The following PDE1C variants were observed in gnomAD, a reference collection of about 807,000 sequenced individuals.
The protein encoded by PDE1C is phosphodiesterase 1C.
In PDE1C, 62 loss-of-function variants were observed where a neutral mutation model predicts 93.1. That is an observed-to-expected ratio of 0.67 (90% CI 0.54 to 0.82). The LOEUF (loss-of-function observed/expected upper bound fraction) is 0.82. Ranked by LOEUF, PDE1C falls within the 40% of genes least tolerant of loss-of-function variation. PDE1C has a pLI of 0.00. For missense variants in PDE1C, 742 were observed against 884.6 expected (o/e 0.84, Z 2.04); for synonymous variants, 325 against 310.1 (o/e 1.05, Z -0.50).
chr7:31,813,666 T>C (rs751547962), intron 15 of PDE1C, among the ~76,000 whole-genome samples: 6 of 152,146 alleles, frequency 3.9e-5, no homozygotes, highest in Non-Finnish European at 5.9e-5. Context: ...TTTTTAATTT[T>C]TATTTCCATA....
intron 2 of PDE1C, among the ~76,000 whole-genome samples, chr7:32,049,910 T>C (rs903084576): frequency 1.3e-5 from 2 of 152,206 alleles, no homozygotes; most frequent in Non-Finnish European, 2.9e-5. Context: ...TTAGGCAATA[T>C]TGACATTGTG....
At chr7:31,645,200 A>C in the PDE1C span, among the ~76,000 whole-genome samples, 1 of 152,234 alleles carries the variant, frequency 6.6e-6, no homozygotes, top group Non-Finnish European at 1.5e-5. Flanking sequence ...CGACTTTAAA[A>C]TATCTAAATC....
intron 3 of PDE1C, among the ~76,000 whole-genome samples, chr7:32,099,547 A>T (rs1329076539): frequency 6.6e-6 from 1 of 152,198 alleles, no homozygotes; most frequent in African/African-American, 2.4e-5. Flanking sequence ...GTCCTTGTAC[A>T]TTATACAGTT....
intron 3 of PDE1C, among the ~76,000 whole-genome samples, chr7:32,115,251 A>G (rs1798922541): frequency 6.6e-6 from 1 of 152,200 alleles, no homozygotes; most frequent in Non-Finnish European, 1.5e-5. Flanking sequence ...GATAAAGAAA[A>G]TGTGGTACAT....
At chr7:31,675,854 A>G in the PDE1C span, among the ~76,000 whole-genome samples, 3 of 152,146 alleles carry the variant, frequency 2.0e-5, no homozygotes, top group Non-Finnish European at 2.9e-5. Flanking sequence ...GAAATAGGCA[A>G]AAGGTTACCA....
intron 1 of PDE1C, among the ~76,000 whole-genome samples, chr7:32,257,684 G>T (rs1280135971): frequency 6.6e-6 from 1 of 152,132 alleles, no homozygotes; most frequent in African/African-American, 2.4e-5. Flanking sequence ...AGAAGTGGTG[G>T]CTATCTCTTA....
intron 1 of PDE1C, among the ~76,000 whole-genome samples, chr7:32,052,899 T>C (rs578239550): frequency 7.2e-4 from 109 of 152,336 alleles, no homozygotes; most frequent in African/African-American, 2.2e-3. Flanking sequence ...CTTTTTAGTT[T>C]TATGAATTTT....
intron 3 of PDE1C, among the ~76,000 whole-genome samples, chr7:32,122,980 A>G (rs1047982065): frequency 3.9e-5 from 6 of 152,178 alleles, no homozygotes; most frequent in African/African-American, 1.4e-4. Context: ...ACTAATAAAG[A>G]AGAAAAGAGA....
chr7:32,078,023 C>A, intron 3 of PDE1C: 1 of 985,348 alleles, frequency 1.0e-6, no homozygotes, highest in Non-Finnish European at 1.2e-6. Context: ...AATACACTGC[C>A]AACCCAGTAT....
intron 1 of PDE1C, among the ~76,000 whole-genome samples, chr7:32,322,173 G>C (rs1203571500): frequency 2.0e-5 from 3 of 152,058 alleles, no homozygotes; most frequent in Non-Finnish European, 4.4e-5. Context: ...ACTTGCTCAG[G>C]GTTACTCAGA....
chr7:31,692,480 A>G, the PDE1C span: 2 of 1,612,190 alleles, frequency 1.2e-6, no homozygotes, highest in East Asian at 4.5e-5. Context: ...TGGAACTCTC[A>G]GAAGACAGAC....
intron 2 of PDE1C, among the ~76,000 whole-genome samples, chr7:31,962,792 G>T (rs369215196): frequency 1.3e-5 from 2 of 151,684 alleles, no homozygotes; most frequent in African/African-American, 2.4e-5. Context: ...GACATCTAAG[G>T]CCCCTCCATC....
rs144744916 is a variant in PDE1C, at chr7:31,947,523, G to C, written c.129-66663C>G. On this transcript the variant is annotated intron_variant, in intron 2 of 17. Transcript: ENST00000396191. The stretch of plus-strand genomic sequence containing the variant: ...GGCTGGGTCCTTTTTATTTCCAAAG[G>C]CTGGCTATGCCCTTCCAAAGTCAGC... 1.8e-3 allele frequency among the ~76,000 whole-genome samples: 269 copies of C among 152,240 alleles called. 1 individual carries two copies. Among genetic ancestry groups the C allele is most frequent in the African/African-American group, 6.0e-3 (251 of 41,542 alleles).
intron 2 of PDE1C, among the ~76,000 whole-genome samples, chr7:31,959,764 C>T (rs1357120603): frequency 6.6e-6 from 1 of 152,038 alleles, no homozygotes; most frequent in Non-Finnish European, 1.5e-5. Flanking sequence ...GGTGCCAAAT[C>T]AAATAAAATA....
chr7:31,792,991 T>C (rs1161334939), intron 16 of PDE1C, among the ~76,000 whole-genome samples: 1 of 152,074 alleles, frequency 6.6e-6, no homozygotes, highest in African/African-American at 2.4e-5. Flanking sequence ...GGTAAAGCTG[T>C]GAGAACTTTA....
the PDE1C span, among the ~76,000 whole-genome samples, chr7:31,631,352 A>G: frequency 0.014 from 2,071 of 152,336 alleles, 54 homozygotes; most frequent in African/African-American, 0.047. Context: ...TATGAAAAAC[A>G]AGATATAAAA....
At chr7:32,363,636 C>A (rs187442944) in intron 1 of PDE1C, among the ~76,000 whole-genome samples, 121 of 152,304 alleles carry the variant, frequency 7.9e-4, no homozygotes, top group African/African-American at 2.7e-3. Context: ...CAGAATGATG[C>A]ATAAATGGCA....
At chr7:31,954,396 G>A (rs1048406406) in intron 2 of PDE1C, among the ~76,000 whole-genome samples, 11 of 152,220 alleles carry the variant, frequency 7.2e-5, no homozygotes, top group Non-Finnish European at 1.3e-4. Context: ...AGAGCAAGAA[G>A]TAAACATCAA....
At chr7:31,652,478 G>A in the PDE1C span, 2 of 1,539,734 alleles carry the variant, frequency 1.3e-6, no homozygotes, top group South Asian at 1.2e-5. Context: ...GTGCCAATGT[G>A]ATGTGCTGTT....
Sources: allele counts gnomAD v4.1 joint callset (sites outside exome capture counted in the v4.1 genomes callset), GRCh38; gene constraint gnomAD v4.1.1; transcripts MANE v1.5; gene names NCBI Gene and HGNC (gene_info 2026-07-23, HGNC 2026-07-21).